The following CRACR2A variants were observed in gnomAD, a reference collection of about 807,000 sequenced individuals.
The protein encoded by CRACR2A is calcium release activated channel regulator 2A, also known as EF-hand calcium-binding domain-containing protein 4B.
A neutral mutation model predicts 90.5 loss-of-function variants in CRACR2A; 79 were observed. That is an observed-to-expected ratio of 0.87 (90% confidence interval 0.73 to 1.05). CRACR2A has a LOEUF of 1.05. Ranked by LOEUF, CRACR2A falls within the 50% of genes least tolerant of loss-of-function variation. The pLI, the probability that CRACR2A is intolerant of heterozygous loss-of-function variation, is 0.00. For synonymous variants in CRACR2A, 338 were observed against 356.7 expected, an observed-to-expected ratio of 0.95 and a Z score of 0.59; for missense variants, 823 against 897.2, an observed-to-expected ratio of 0.92 and a Z score of 1.06.
chr12:3,627,678 A>C lies in CRACR2A; in HGVS notation c.1764T>G (p.Asn588Lys), dbSNP rs1401873646. Residue 588 changes from asparagine to lysine, a missense_variant, in exon 16 of 20, where the codon AAT becomes AAG. Asn to Lys is a moderately conservative substitution (Grantham distance 94, BLOSUM62 0). Coordinates refer to ENST00000440314, the MANE Select transcript of CRACR2A (RefSeq NM_001144958.2). The part of the protein sequence containing the change: ...VGIDYRVKTL[N>K]VDNSQVALQL... The stretch of plus-strand genomic sequence containing the variant: ...GCAGGGCCACCTGAGAGTTGTCCAC[A>C]TTCAACGTCTTCACACGGTAATCAA... 2 of 1,551,752 alleles carry C rather than the reference A, an allele frequency of 1.3e-6. No homozygotes were observed. Among genetic ancestry groups the C allele is most frequent in the Admixed American group, 3.9e-5 (2 of 50,994 alleles).
intron 15 of CRACR2A, among the ~76,000 whole-genome samples, chr12:3,631,506 G>A (rs936132515): frequency 6.6e-6 from 1 of 152,164 alleles, no homozygotes; most frequent in Non-Finnish European, 1.5e-5. Flanking sequence ...GGGAGGGCAA[G>A]TCGACCTCCC....
chr12:3,647,387 A>C (rs1045572944), intron 11 of CRACR2A, among the ~76,000 whole-genome samples: 2 of 152,162 alleles, frequency 1.3e-5, no homozygotes, highest in African/African-American at 4.8e-5. Flanking sequence ...AGCCTCCATT[A>C]AAAAGACCCA....
At chr12:3,621,800 C>T (rs1302623425) in intron 17 of CRACR2A, among the ~76,000 whole-genome samples, 1 of 151,632 alleles carries the variant, frequency 6.6e-6, no homozygotes, top group Non-Finnish European at 1.5e-5. Flanking sequence ...TCCTCTCTTA[C>T]ACAGCCACTC....
intron 6 of CRACR2A, among the ~76,000 whole-genome samples, chr12:3,676,592 C>T (rs1003996154): frequency 6.6e-6 from 1 of 152,220 alleles, no homozygotes; most frequent in Non-Finnish European, 1.5e-5. Flanking sequence ...CCCTTCCTGC[C>T]ATATGAGGAC....
chr12:3,667,760 T>C (rs189926603), intron 7 of CRACR2A, among the ~76,000 whole-genome samples: 3 of 152,382 alleles, frequency 2.0e-5, no homozygotes, highest in African/African-American at 4.8e-5. Context: ...TTTGTTCCCC[T>C]GAAATCAGTC....
intron 18 of CRACR2A, among the ~76,000 whole-genome samples, chr12:3,618,129 T>C (rs1867729199): frequency 6.7e-6 from 1 of 150,362 alleles, no homozygotes; most frequent in Non-Finnish European, 1.5e-5. Context: ...ATAATACGAA[T>C]GTATCACTTA....
At chr12:3,653,072 TC>T (rs367724556) in intron 10 of CRACR2A, among the ~76,000 whole-genome samples, 1 of 129,968 alleles carries the variant, frequency 7.7e-6, no homozygotes, top group Non-Finnish European at 1.8e-5. Context: ...AACCTCTGCC[TC>T]CCAGGTTCAA....
intron 7 of CRACR2A, among the ~76,000 whole-genome samples, chr12:3,668,867 G>A (rs1422896924): frequency 6.6e-6 from 1 of 152,212 alleles, no homozygotes; most frequent in Non-Finnish European, 1.5e-5. Flanking sequence ...AGTGCCTGAG[G>A]TCTGATTCAG....
chr12:3,680,313 G>A lies in CRACR2A; in HGVS notation c.265C>T (p.Leu89=). 1 of 1,614,208 alleles carries A rather than the reference G, an allele frequency of 6.2e-7. No individual in the cohort carries two copies. The highest frequency in any genetic ancestry group is 1.3e-5 in the African/African-American group (1 of 75,064). ...TCCAGGGCATCAAACACATCCTCCA[G>A]TTCCTCCAGGCTGAGCGGTAGCTCC... ...HKELPLSLEE[L]EDVFDALDAD... Residue 89 remains leucine, a synonymous_variant, in exon 5 of 20, where the codon CTG becomes TTG. Transcript: ENST00000440314.
At position 3,700,772 on chromosome 12, in the gene CRACR2A, T is replaced by A. The variant is rs1343950674; in HGVS notation, c.-36-3737A>T. Among the ~76,000 whole-genome samples, 4 of 152,214 alleles carry A rather than the reference T, an allele frequency of 2.6e-5. No individual in the cohort carries two copies. In the East Asian group the frequency reaches 7.7e-4, roughly 29 times the overall value. ...AAAGTCACAATGATATCCAAAGATT[T>A]CAATAACTTTCTCTCTCAATAATTT... On this transcript the variant is annotated intron_variant, in intron 3 of 19. Coordinates refer to ENST00000440314, the MANE Select transcript of CRACR2A (RefSeq NM_001144958.2).
chr12:3,747,241 C>T (rs990166989), intron 1 of CRACR2A, among the ~76,000 whole-genome samples: 1 of 152,154 alleles, frequency 6.6e-6, no homozygotes. Flanking sequence ...AGGAAGATGG[C>T]TTCCTCATCT....
chr12:3,618,057 G>C (rs1565458832), intron 18 of CRACR2A, among the ~76,000 whole-genome samples: 1 of 152,042 alleles, frequency 6.6e-6, no homozygotes, highest in Non-Finnish European at 1.5e-5. Context: ...ATAGGACTTA[G>C]AACTGGAAGA....
intron 7 of CRACR2A, among the ~76,000 whole-genome samples, chr12:3,666,492 G>T (rs1353750140): frequency 6.6e-6 from 1 of 152,210 alleles, no homozygotes; most frequent in Non-Finnish European, 1.5e-5. Context: ...TTATTCTAAT[G>T]TAAATACAAA....
chr12:3,684,143 G>GA (rs1333055178), intron 4 of CRACR2A, among the ~76,000 whole-genome samples: 1 of 152,088 alleles, frequency 6.6e-6, no homozygotes, highest in African/African-American at 2.4e-5. Flanking sequence ...TTTTATTGAG[G>GA]AAAAAATCAG....
intron 1 of CRACR2A, among the ~76,000 whole-genome samples, chr12:3,750,552 G>A (rs1301141755): frequency 3.3e-5 from 5 of 152,192 alleles, no homozygotes; most frequent in Admixed American, 6.5e-5. Context: ...GGAAACATAC[G>A]AGGGAAACAG....
At chr12:3,654,529 G>T in intron 9 of CRACR2A, 130 bp from the exon 10 acceptor site, 1 of 831,042 alleles carries the variant, frequency 1.2e-6, no homozygotes, top group Non-Finnish European at 1.8e-6. Flanking sequence ...CTGGCCTCAA[G>T]CCTAAATCAG....
rs1184949069 is a variant in CRACR2A, at chr12:3,680,368, G to A, written c.229-19C>T. ...GCAGCCTCTGAAAACAACCCAGAGT[G>A]TACTGGTTAACACTGACACTCACTG... On this transcript the variant is annotated intron_variant, in intron 4 of 19. Coordinates refer to ENST00000440314, the MANE Select transcript of CRACR2A (RefSeq NM_001144958.2). The A allele has an allele frequency of 1.9e-6, 3 of 1,601,902 alleles. No individual in the cohort carries two copies. The highest frequency in any genetic ancestry group is 2.2e-5 in the South Asian group (2 of 90,424).
intron 15 of CRACR2A, among the ~76,000 whole-genome samples, chr12:3,629,039 A>C (rs919845941): frequency 2.3e-4 from 35 of 152,312 alleles, no homozygotes; most frequent in Admixed American, 1.9e-3. Flanking sequence ...GATTTCTCCC[A>C]TTAATAGAAT....
chr12:3,645,369 A>G (rs1232332242), intron 11 of CRACR2A, among the ~76,000 whole-genome samples: 1 of 152,234 alleles, frequency 6.6e-6, no homozygotes, highest in African/African-American at 2.4e-5. Context: ...GAGGAAGTAG[A>G]GTGCCCAAAG....
Sources: allele counts gnomAD v4.1 joint callset (sites outside exome capture counted in the v4.1 genomes callset), GRCh38; gene constraint gnomAD v4.1.1; transcripts MANE v1.5; gene names NCBI Gene and HGNC (gene_info 2026-07-23, HGNC 2026-07-21).